The following EP300 variants were observed in gnomAD, a reference collection of about 807,000 sequenced individuals.
EP300 encodes histone acetyltransferase p300.
In EP300, 31 loss-of-function variants were observed where a neutral mutation model predicts 264.0. The ratio of observed to expected loss-of-function variants is 0.12; its 90% CI spans 0.09 to 0.16. EP300 has a LOEUF of 0.16. Ranked by LOEUF, EP300 falls within the 10% of genes least tolerant of loss-of-function variation. The pLI, the probability that EP300 is intolerant of heterozygous loss-of-function variation, is 1.00. For missense variants in EP300, 2,766 were observed against 3,052.9 expected, an observed-to-expected ratio of 0.91 and a Z score of 2.21; for synonymous variants, 1,340 against 1,045.4, an observed-to-expected ratio of 1.28 and a Z score of -5.44.
intron 2 of EP300, among the ~76,000 whole-genome samples, chr22:41,121,792 C>T: frequency 6.6e-6 from 1 of 152,106 alleles, no homozygotes; most frequent in Non-Finnish European, 1.5e-5. Flanking sequence ...TTAGAAATTC[C>T]AACATTTTGT....
At chr22:41,166,277 G>A (rs2059133617) in intron 22 of EP300, among the ~76,000 whole-genome samples, 1 of 152,180 alleles carries the variant, frequency 6.6e-6, no homozygotes, top group African/African-American at 2.4e-5. Context: ...CCAACTAGTA[G>A]CATATAGGAA....
rs1005492877 is a variant in EP300, at chr22:41,179,583, C to G, written c.*627C>G. On this transcript the variant is annotated 3_prime_UTR_variant, in exon 31 of 31. Coordinates refer to ENST00000263253, the MANE Select transcript of EP300 (RefSeq NM_001429.4). The stretch of plus-strand genomic sequence containing the variant: ...TTCCCCTCAAGTCAACTTTTGTGCT[C>G]CAGAAAATTTTCTATTCTGTAAGTC... 5 of 207,928 alleles carry G rather than the reference C, an allele frequency of 2.4e-5. No individual in the cohort carries two copies. The highest frequency in any genetic ancestry group is 1.2e-4 in the African/African-American group (5 of 43,086). The allele number at this position is 207,928 out of a possible 1,614,324, so 12.9% of individuals were successfully genotyped here. A position where few individuals can be genotyped will look rare whatever the true frequency, so the allele number is the denominator to read the frequency against.
intron 2 of EP300, among the ~76,000 whole-genome samples, chr22:41,121,131 C>T (rs1017623815): frequency 6.6e-6 from 1 of 152,092 alleles, no homozygotes; most frequent in Non-Finnish European, 1.5e-5. Context: ...TAATGAGACC[C>T]CATCTCTACT....
intron 29 of EP300, chr22:41,174,481 C>G (rs1251976723): frequency 1.3e-5 from 2 of 152,188 alleles, no homozygotes; most frequent in Non-Finnish European, 2.9e-5. Flanking sequence ...TAAACTTCCA[C>G]ATATGGACTT....
chr22:41,106,236 G>A (rs528676646), intron 1 of EP300, among the ~76,000 whole-genome samples: 2 of 152,302 alleles, frequency 1.3e-5, no homozygotes, highest in South Asian at 4.1e-4. Flanking sequence ...AGCATCCATT[G>A]TAAGAGTAGG....
At chr22:41,143,538 C>T (rs2058994394) in intron 10 of EP300, among the ~76,000 whole-genome samples, 1 of 152,060 alleles carries the variant, frequency 6.6e-6, no homozygotes, top group East Asian at 1.9e-4. Context: ...ACATTCTCAT[C>T]TTCATGTTTC....
intron 1 of EP300, among the ~76,000 whole-genome samples, chr22:41,096,277 C>T (rs191542854): frequency 2.6e-5 from 4 of 152,232 alleles, no homozygotes; most frequent in East Asian, 1.9e-4. Flanking sequence ...TGTTTCTGAT[C>T]ATCTTGAGTG....
At chr22:41,094,008 C>T (rs368379245) in intron 1 of EP300, among the ~76,000 whole-genome samples, 3 of 152,176 alleles carry the variant, frequency 2.0e-5, no homozygotes, top group Non-Finnish European at 2.9e-5. Flanking sequence ...ACTTGGAGAT[C>T]AAGATTTTCG....
In EP300 at chr22:41,126,050, AATCCATTAC is replaced by A; in HGVS notation, c.906+12_906+20del. On this transcript the variant is annotated intron_variant, in intron 3 of 30. Transcript: ENST00000263253. ...AGGAATGCCCAACATGGTGAGTACTAATCCATTACAGACTTGTTTTCAAACTGGCATTTT... is the reference window on the plus strand; with the variant it reads ...AGGAATGCCCAACATGGTGAGTACTAAGACTTGTTTTCAAACTGGCATTTT... 1 of 1,613,682 alleles carries A rather than the reference AATCCATTAC, an allele frequency of 6.2e-7. No individual in the cohort carries two copies. Among genetic ancestry groups the A allele is most frequent in the Non-Finnish European group, 8.5e-7 (1 of 1,179,598 alleles).
chr22:41,093,346 C>T (rs1024597066), intron 1 of EP300, among the ~76,000 whole-genome samples: 3 of 152,172 alleles, frequency 2.0e-5, no homozygotes, highest in Non-Finnish European at 4.4e-5. Flanking sequence ...TAAGTGGGTG[C>T]TATATAGAAA....
rs2058807165 is a variant in EP300 at position 41,113,839 on chromosome 22, C to T, written c.95-3348C>T. ...GGGATAACAGGCGTGAGCCACTGCGCCCGGCCTTTTTAACTTTATTTTCTA... is the reference window on the plus strand; with the variant it reads ...GGGATAACAGGCGTGAGCCACTGCGTCCGGCCTTTTTAACTTTATTTTCTA... On this transcript the variant is annotated intron_variant, in intron 1 of 30. Transcript: ENST00000263253. 2.0e-5 allele frequency among the ~76,000 whole-genome samples: 3 copies of T among 152,224 alleles called. No homozygotes were observed. In the South Asian group the frequency reaches 6.2e-4, roughly 31 times the overall value.
chr22:41,119,637 A>G (rs754731055), intron 2 of EP300, among the ~76,000 whole-genome samples: 6 of 152,084 alleles, frequency 3.9e-5, no homozygotes, highest in Non-Finnish European at 8.8e-5. Flanking sequence ...AAAATAAGGA[A>G]AGGCTCATTG....
intron 22 of EP300, 88 bp downstream of exon 22, chr22:41,164,218 T>C: frequency 8.5e-7 from 1 of 1,183,376 alleles, no homozygotes. Context: ...GACTGTATTA[T>C]ATCTTCAAAG....
At chr22:41,127,443 C>G (rs758912530) in intron 3 of EP300, 44 bp from the exon 4 acceptor site, 100 of 1,609,718 alleles carry the variant, frequency 6.2e-5, no homozygotes, top group Non-Finnish European at 8.3e-5. Flanking sequence ...TAAGAAATAG[C>G]ACATTATGAC....
At position 41,127,665 on chromosome 22, in the gene EP300, G is replaced by A; in HGVS notation, c.1085G>A (p.Arg362Lys). ...QRREQANGEV[R>K]QCNLPHCRTM... ...CGGGAACAGGCCAATGGGGAAGTGAGGCAGTGCAACCTTCCCCACTGTCGC... is the reference window on the plus strand; with the variant it reads ...CGGGAACAGGCCAATGGGGAAGTGAAGCAGTGCAACCTTCCCCACTGTCGC... The change falls in exon 4 of 31, where the codon AGG becomes AAG. Residue 362 changes from arginine (R) to lysine (K), a missense_variant. Transcript: ENST00000263253. 1.2e-6 allele frequency: 2 copies of A among 1,614,192 alleles called. No individual in the cohort carries two copies. The highest frequency in any genetic ancestry group is 2.2e-5 in the South Asian group (2 of 91,082).
intron 13 of EP300, 73 bp from the exon 14 acceptor site, chr22:41,149,688 A>C: frequency 6.8e-7 from 1 of 1,465,804 alleles, no homozygotes; most frequent in South Asian, 1.2e-5. Flanking sequence ...CTAAATTTAT[A>C]TATCATGCCT....
chr22:41,105,263 G>C (rs1383193660), intron 1 of EP300, among the ~76,000 whole-genome samples: 3 of 150,586 alleles, frequency 2.0e-5, no homozygotes, highest in African/African-American at 7.3e-5. Flanking sequence ...AGCTACTCGG[G>C]AGGCTGAGGC....
chr22:41,118,434 A>G (rs965594565), intron 2 of EP300, among the ~76,000 whole-genome samples: 17 of 152,396 alleles, frequency 1.1e-4, no homozygotes, highest in African/African-American at 3.8e-4. Context: ...GCATAATCAC[A>G]CATACTTTAG....
chr22:41,166,839 G>A (rs960208714), intron 23 of EP300, among the ~76,000 whole-genome samples, 173 bp downstream of exon 23: 9 of 151,916 alleles, frequency 5.9e-5, no homozygotes, highest in Non-Finnish European at 1.2e-4. Flanking sequence ...AAATTTATTA[G>A]ACCAAAGAAA....
Sources: gnomAD v4.1 joint callset for allele counts (sites outside exome capture counted in the v4.1 genomes callset) on GRCh38, gnomAD v4.1.1 for gene constraint, MANE v1.5 for transcripts, NCBI Gene and HGNC (gene_info 2026-07-23, HGNC 2026-07-21) for gene names.